The following GLYAT variants were observed in gnomAD, a reference collection of about 807,000 sequenced individuals.
The protein encoded by GLYAT is glycine N-acyltransferase.
In GLYAT, 25 loss-of-function variants were observed where a neutral mutation model predicts 22.8. The observed-to-expected ratio is 1.09, with a 90% CI of 0.80 to 1.53. The LOEUF (loss-of-function observed/expected upper bound fraction) is 1.53. Ranked by LOEUF, GLYAT falls within the 40% of genes most tolerant of loss-of-function variation. The pLI is 0.00. For missense variants in GLYAT, 411 were observed against 353.9 expected, an observed-to-expected ratio of 1.16 and a Z score of -1.29; for synonymous variants, 140 against 122.7, an observed-to-expected ratio of 1.14 and a Z score of -0.93.
At chr11:58,728,976 GAAGA>G (rs1856844586) in intron 1 of GLYAT, among the ~76,000 whole-genome samples, 1 of 151,496 alleles carries the variant, frequency 6.6e-6, no homozygotes. Context: ...AGGAAGGAAG[GAAGA>G]AAGGAAGGAA....
At chr11:58,721,986 C>T (rs75356525) in intron 2 of GLYAT, among the ~76,000 whole-genome samples, 1,676 of 152,018 alleles carry the variant, frequency 0.011, 27 homozygotes, top group African/African-American at 0.038. Flanking sequence ...GAAATTAACA[C>T]CAGGTAGTTG....
At position 58,708,927 on chromosome 11, in the gene GLYAT, C is replaced by T. The variant is rs996651923; in HGVS notation, c.*839G>A. The T allele has an allele frequency of 6.6e-6, 1 of 152,152 alleles. No homozygotes were observed. Among genetic ancestry groups the T allele is most frequent in the South Asian group, 2.1e-4 (1 of 4,830 alleles). The allele number at this position is 152,152 out of a possible 1,614,324, so 9.4% of individuals were successfully genotyped here. On this transcript the variant is annotated 3_prime_UTR_variant, in exon 6 of 6. Transcript: ENST00000344743. The stretch of plus-strand genomic sequence containing the variant: ...AGCAGGTGTTCATGCTGTCTCCTCT[C>T]CCTTCAACTCCTATCTCTCCTCAAT...
At chr11:58,720,572 A>G (rs1334786610) in intron 2 of GLYAT, among the ~76,000 whole-genome samples, 2 of 152,018 alleles carry the variant, frequency 1.3e-5, no homozygotes, top group Non-Finnish European at 2.9e-5. Context: ...TAGCTTTGAA[A>G]CAAAGAGGAT....
chr11:58,730,911 A>G (rs1290528993), intron 1 of GLYAT, among the ~76,000 whole-genome samples: 1 of 152,204 alleles, frequency 6.6e-6, no homozygotes, highest in Non-Finnish European at 1.5e-5. Flanking sequence ...AGGCATTAAC[A>G]TAATGCCTAC....
At chr11:58,719,595 T>C (rs552218613) in intron 2 of GLYAT, among the ~76,000 whole-genome samples, 2 of 151,926 alleles carry the variant, frequency 1.3e-5, no homozygotes, top group East Asian at 3.9e-4. Flanking sequence ...CCTTGAGGAG[T>C]TGAGTAGCTT....
chr11:58,719,855 C>G (rs1055561735), intron 2 of GLYAT, among the ~76,000 whole-genome samples: 1 of 151,860 alleles, frequency 6.6e-6, no homozygotes, highest in Non-Finnish European at 1.5e-5. Context: ...CAAATGAAAA[C>G]TTAATATGAT....
At chr11:58,724,368 C>T in intron 2 of GLYAT, 48 bp downstream of exon 2, 1 of 998,612 alleles carries the variant, frequency 1.0e-6, no homozygotes, top group Admixed American at 2.0e-5. Context: ...CCTCCTCTTT[C>T]ACATCAAGTT....
rs1856671473 is a variant in GLYAT at position 58,715,683 on chromosome 11, T to G, written c.82-260A>C. ...AACAGATTTTTGTTCAATAATAAAA[T>G]TACTGATATTTGCTATTTTTCATCA... On this transcript the variant is annotated intron_variant, in intron 2 of 5. Transcript: ENST00000344743. Among the ~76,000 whole-genome samples, 4 of 152,260 alleles carry G rather than the reference T, an allele frequency of 2.6e-5. No homozygotes were observed. In the South Asian group the frequency reaches 8.3e-4, roughly 32 times the overall value.
intron 1 of GLYAT, among the ~76,000 whole-genome samples, chr11:58,726,861 A>G (rs1453674898): frequency 6.6e-6 from 1 of 152,096 alleles, no homozygotes; most frequent in Non-Finnish European, 1.5e-5. Flanking sequence ...AAAAACAGCA[A>G]TGCTTGGATT....
At chr11:58,720,021 T>G (rs1856729754) in intron 2 of GLYAT, among the ~76,000 whole-genome samples, 1 of 151,982 alleles carries the variant, frequency 6.6e-6, no homozygotes, top group African/African-American at 2.4e-5. Flanking sequence ...CCACACAAGA[T>G]TCTGTCTTAT....
intron 1 of GLYAT, among the ~76,000 whole-genome samples, chr11:58,727,658 AC>A (rs758763161): frequency 1.3e-5 from 2 of 152,182 alleles, no homozygotes; most frequent in Non-Finnish European, 2.9e-5. Context: ...AGAACCTAAA[AC>A]TGGTGATCAG....
chr11:58,712,863 G>C lies in GLYAT; in HGVS notation c.213C>G (p.His71Gln), dbSNP rs771092853. The change falls in exon 4 of 6, where the codon CAC becomes CAG. Residue 71 changes from histidine (H) to glutamine (Q), a missense_variant. Coordinates refer to ENST00000344743, the MANE Select transcript of GLYAT (RefSeq NM_201648.3). Reference sequence around the variant, plus strand: ...AGTAGATTTGGTAAGTATTGGTATAGTGATCAAGGTCATCTGTCATATCCT... The same window carrying C: ...AGTAGATTTGGTAAGTATTGGTATACTGATCAAGGTCATCTGTCATATCCT... ...QEQDMTDDLD[H>Q]YTNTYQIYSK... The C allele has an allele frequency of 1.6e-5, 26 of 1,603,350 alleles. No homozygotes were observed. In the African/African-American group the frequency reaches 3.3e-4, roughly 21 times the overall value.
At position 58,709,846 on chromosome 11, in the gene GLYAT, C is replaced by T; in HGVS notation, c.811G>A (p.Ala271Thr). 4 of 1,613,960 alleles carry T rather than the reference C, an allele frequency of 2.5e-6. No individual in the cohort carries two copies. The South Asian group carries it at 4.4e-5, about 18-fold the overall frequency. ...AGTGTGTAACTCATTTTTTGCATAG[C>T]TTCATTGCTGTAGTCTACATGAGAA... ...VYSHVDYSNE[A>T]MQKMSYTLQH... The change falls in exon 6 of 6, where the codon GCT becomes ACT. Residue 271 changes from alanine (A) to threonine (T), a missense_variant. Ala to Thr is a moderately conservative substitution (Grantham distance 58, BLOSUM62 0). Transcript: ENST00000344743.
In GLYAT at chr11:58,712,776, C is replaced by T. The variant is rs537480013; in HGVS notation, c.300G>A (p.Gln100=). The change falls in exon 4 of 6, where the codon CAG becomes CAA. Residue 100 remains glutamine, a synonymous_variant. Transcript: ENST00000344743. ...LGSPELINWK[Q]HLQIQSSQPS... ...CTTACTTACTTTGAATCTGTAAATG[C>T]TGTTTCCAGTTGATGAGTTCTGGTG... 1.1e-5 allele frequency: 18 copies of T among 1,613,028 alleles called. No homozygotes were observed. The highest frequency in any genetic ancestry group is 1.5e-5 in the Non-Finnish European group (18 of 1,179,186).
At chr11:58,731,362 A>T (rs1938722) in intron 1 of GLYAT, among the ~76,000 whole-genome samples, 20,097 of 152,188 alleles carry the variant, frequency 0.13, 1,703 homozygotes, top group Non-Finnish European at 0.19. Flanking sequence ...GAGAGCACAA[A>T]CTTCTAAGGA....
At chr11:58,711,710 G>A (rs1002647072) in intron 4 of GLYAT, among the ~76,000 whole-genome samples, 1 of 152,142 alleles carries the variant, frequency 6.6e-6, no homozygotes, top group Non-Finnish European at 1.5e-5. Flanking sequence ...ATGAGGCAAT[G>A]ACCCATGATT....
rs1455655476 is a variant in GLYAT, at chr11:58,712,894, CA to C, written c.190-9del. On this transcript the variant is annotated splice_polypyrimidine_tract_variant and intron_variant, in intron 3 of 5. Coordinates refer to ENST00000344743, the MANE Select transcript of GLYAT (RefSeq NM_201648.3). ...AAGGTCATCTGTCATATCCTGTTATCATTAGGAAAAAGGAAATAAAACACAT... is the reference window on the plus strand; with the variant it reads ...AAGGTCATCTGTCATATCCTGTTATCTTAGGAAAAAGGAAATAAAACACAT... 3.2e-6 allele frequency: 5 copies of C among 1,569,036 alleles called. No individual in the cohort carries two copies. The highest frequency in any genetic ancestry group is 4.4e-6 in the Non-Finnish European group (5 of 1,145,236).
chr11:58,718,550 T>C (rs1489311693), intron 2 of GLYAT, among the ~76,000 whole-genome samples: 1 of 152,044 alleles, frequency 6.6e-6, no homozygotes, highest in African/African-American at 2.4e-5. Flanking sequence ...AGAGTACCTG[T>C]TGGAGTTTTA....
intron 2 of GLYAT, among the ~76,000 whole-genome samples, chr11:58,716,809 G>C (rs570904721): frequency 2.0e-5 from 3 of 152,108 alleles, no homozygotes; most frequent in African/African-American, 7.2e-5. Context: ...GACGACACAT[G>C]CCCAAGGTGG....
Sources: allele counts gnomAD v4.1 joint callset (sites outside exome capture counted in the v4.1 genomes callset), GRCh38; gene constraint gnomAD v4.1.1; transcripts MANE v1.5; gene names NCBI Gene and HGNC (gene_info 2026-07-23, HGNC 2026-07-21).